Variants in CORIN observed in about 807,000 individuals in gnomAD.
CORIN encodes atrial natriuretic peptide-converting enzyme.
CORIN carries 117 observed loss-of-function variants against 125.3 expected under a neutral mutation model. That is an observed-to-expected ratio of 0.93 (90% CI 0.80 to 1.09). The LOEUF is 1.09. Ranked by LOEUF, CORIN falls within the 50% of genes least tolerant of loss-of-function variation. CORIN has a pLI of 0.00. For missense variants in CORIN, 1,253 were observed against 1,306.7 expected (o/e 0.96, Z 0.63); for synonymous variants, 450 against 466.4 (o/e 0.96, Z 0.45).
At chr4:47,662,882 T>C (rs1435318203) in intron 11 of CORIN, among the ~76,000 whole-genome samples, 1 of 152,180 alleles carries the variant, frequency 6.6e-6, no homozygotes, top group African/African-American at 2.4e-5. Context: ...AAGCTCAGCA[T>C]AACTCAACAC....
chr4:47,683,142 G>A (rs910859119), intron 7 of CORIN: 1 of 152,208 alleles, frequency 6.6e-6, no homozygotes, highest in African/African-American at 2.4e-5. Context: ...AAATGAGCAA[G>A]AGGAATTTTG....
intron 5 of CORIN, among the ~76,000 whole-genome samples, chr4:47,695,147 C>T (rs1052886414): frequency 2.6e-5 from 4 of 152,052 alleles, no homozygotes; most frequent in African/African-American, 4.8e-5. Context: ...GACTCCTAAA[C>T]GATTCATAGA....
intron 6 of CORIN, among the ~76,000 whole-genome samples, chr4:47,686,841 C>CT (rs1286504034): frequency 6.6e-6 from 1 of 152,022 alleles, no homozygotes; most frequent in African/African-American, 2.4e-5. Context: ...ACTACACTCA[C>CT]TTTTTTTGAC....
At chr4:47,824,557 A>G (rs1732659680) in intron 1 of CORIN, among the ~76,000 whole-genome samples, 1 of 152,124 alleles carries the variant, frequency 6.6e-6, no homozygotes, top group Non-Finnish European at 1.5e-5. Context: ...CCTGGCCTCA[A>G]GCAATCCTCT....
chr4:47,613,845 T>C (rs1047623908), intron 19 of CORIN, among the ~76,000 whole-genome samples: 1 of 147,428 alleles, frequency 6.8e-6, no homozygotes, highest in Non-Finnish European at 1.5e-5. Flanking sequence ...CATTGGGAGA[T>C]ATACCTAATG....
chr4:47,632,757 A>AGATAGAT (rs1553905922), intron 16 of CORIN, among the ~76,000 whole-genome samples: 37 of 136,912 alleles, frequency 2.7e-4, no homozygotes, highest in East Asian at 2.0e-3. Flanking sequence ...ATAGATAGAT[A>AGATAGAT]GATAGATAGA....
In CORIN at chr4:47,838,007, T is replaced by C. The variant is rs1415868131; in HGVS notation, c.-58A>G. 1.6e-5 allele frequency: 25 copies of C among 1,601,194 alleles called. No individual in the cohort carries two copies. Among genetic ancestry groups the C allele is most frequent in the Non-Finnish European group, 2.1e-5 (25 of 1,178,904 alleles). ...TTTTATCTTGGTCGCTTTTCTCTCC[T>C]CTACGTGTCCCCCGGGGAGGCACTA... On this transcript the variant is annotated 5_prime_UTR_variant, in exon 1 of 22. Coordinates refer to ENST00000273857, the MANE Select transcript of CORIN (RefSeq NM_006587.4).
intron 12 of CORIN, among the ~76,000 whole-genome samples, chr4:47,656,340 G>A (rs1199469578): frequency 3.3e-5 from 5 of 151,948 alleles, no homozygotes; most frequent in Non-Finnish European, 7.4e-5. Flanking sequence ...ATTTTTAGTA[G>A]AGACAGGTTT....
chr4:47,643,052 T>G (rs1299613273), intron 15 of CORIN, 94 bp downstream of exon 15: 1 of 1,591,048 alleles, frequency 6.3e-7, no homozygotes, highest in Admixed American at 1.8e-5. Flanking sequence ...ATGAACTTGG[T>G]CAGTAAAATC....
chr4:47,599,739 C>G (rs1226688852), intron 21 of CORIN, among the ~76,000 whole-genome samples: 1 of 152,174 alleles, frequency 6.6e-6, no homozygotes, highest in African/African-American at 2.4e-5. Context: ...GTGATGACCC[C>G]TGAGACAGAG....
intron 12 of CORIN, among the ~76,000 whole-genome samples, chr4:47,660,344 A>C (rs1577794813): frequency 6.6e-6 from 1 of 152,222 alleles, no homozygotes; most frequent in Non-Finnish European, 1.5e-5. Flanking sequence ...ATGCGATTAC[A>C]TAAAGTTAAA....
rs753909632 is a variant in CORIN at position 47,603,467 on chromosome 4, G to A, written c.2742C>T (p.Pro914=). The A allele has an allele frequency of 6.2e-7, 1 of 1,614,172 alleles. No individual in the cohort carries two copies. Among genetic ancestry groups the A allele is most frequent in the Non-Finnish European group, 8.5e-7 (1 of 1,180,028 alleles). ...ETGYVRPVCL[P]NPEQWLEPDT... is the part of the protein sequence containing the mutation. ...CAGGCTCTAGCCACTGCTCCGGGTTGGGCAAGCAGACAGGCCGGACGTAGC... is the reference window on the plus strand; with the variant it reads ...CAGGCTCTAGCCACTGCTCCGGGTTAGGCAAGCAGACAGGCCGGACGTAGC... The change falls in exon 20 of 22, where the codon CCC becomes CCT. Residue 914 remains proline (P), a synonymous_variant. Transcript: ENST00000273857.
rs73150690 is a variant in CORIN at position 47,793,473 on chromosome 4, A to G, written c.209-6548T>C. On this transcript the variant is annotated intron_variant, in intron 2 of 21. Transcript: ENST00000273857. The stretch of plus-strand genomic sequence containing the variant: ...AAAATGAGAAACAGCAGGCAGAGAT[A>G]CTGAAGGATAATCAGAGGTGACAAT... Among the ~76,000 whole-genome samples the G allele has an allele frequency of 3.3e-3, 501 of 152,302 alleles. 3 individuals carry two copies. Among genetic ancestry groups the G allele is most frequent in the African/African-American group, 0.011 (461 of 41,570 alleles).
rs560914504 is a variant in CORIN at position 47,813,457 on chromosome 4, T to C, written c.64-6410A>G. ...TAGCTCTGAAAGCAATAATATGCAC[T>C]CAGAGAAATTGTCTACAAAGAGATT... On this transcript the variant is annotated intron_variant, in intron 1 of 21. Transcript: ENST00000273857. 2.5e-3 allele frequency among the ~76,000 whole-genome samples: 374 copies of C among 152,320 alleles called. 3 individuals are homozygous for C. Among genetic ancestry groups the C allele is most frequent in the Middle Eastern group, 0.014 (4 of 294 alleles).
intron 3 of CORIN, among the ~76,000 whole-genome samples, chr4:47,782,479 T>G (rs1427839493): frequency 1.3e-5 from 2 of 150,730 alleles, no homozygotes; most frequent in African/African-American, 4.9e-5. Flanking sequence ...CTCTCAATAA[T>G]GGATAGAACA....
At chr4:47,617,318 G>C (rs1722101550) in intron 19 of CORIN, among the ~76,000 whole-genome samples, 1 of 152,224 alleles carries the variant, frequency 6.6e-6, no homozygotes, top group African/African-American at 2.4e-5. Flanking sequence ...GTGTTCAGGT[G>C]CAGATGCAAC....
chr4:47,757,878 G>GTATATATATATATATATATATGTA (rs1560535393), intron 4 of CORIN, among the ~76,000 whole-genome samples: 2 of 123,926 alleles, frequency 1.6e-5, no homozygotes, highest in East Asian at 2.3e-4. Flanking sequence ...ATATATATAT[G>GTATATATATATATATATATATGTA]TATATATATA....
intron 6 of CORIN, among the ~76,000 whole-genome samples, chr4:47,685,253 T>C (rs1371021653): frequency 3.3e-5 from 5 of 152,096 alleles, no homozygotes; most frequent in African/African-American, 1.2e-4. Flanking sequence ...AGCCAAACAC[T>C]GGAAAAAAAT....
chr4:47,837,731 C>A (rs1733518435), intron 1 of CORIN, among the ~76,000 whole-genome samples, 156 bp downstream of exon 1: 1 of 152,002 alleles, frequency 6.6e-6, no homozygotes, highest in South Asian at 2.1e-4. Flanking sequence ...GGGCGCTGAG[C>A]GCGGAACTGT....
Sources: gnomAD v4.1 joint callset for allele counts (sites outside exome capture counted in the v4.1 genomes callset) on GRCh38, gnomAD v4.1.1 for gene constraint, MANE v1.5 for transcripts, NCBI Gene and HGNC (gene_info 2026-07-23, HGNC 2026-07-21) for gene names.